CLCN3: variants seen among roughly 807,000 people sequenced by gnomAD.
CLCN3 encodes H(+)/Cl(-) exchange transporter 3.
In CLCN3, 16 loss-of-function variants were observed where a neutral mutation model predicts 83.4. The ratio of observed to expected loss-of-function variants is 0.19; its 90% CI spans 0.13 to 0.29. The LOEUF is 0.29. CLCN3 is among the 10% of genes least tolerant of loss of function. The pLI, the probability that CLCN3 is intolerant of heterozygous loss-of-function variation, is 1.00. For synonymous variants in CLCN3, 322 were observed against 346.2 expected (o/e 0.93, Z 0.78); for missense variants, 544 against 1,006.0 (o/e 0.54, Z 6.21).
chr4:169,668,499 A>G (rs1411533575), intron 2 of CLCN3, among the ~76,000 whole-genome samples: 1 of 152,206 alleles, frequency 6.6e-6, no homozygotes, highest in Non-Finnish European at 1.5e-5. Flanking sequence ...TTAATAAGTA[A>G]CTTGCGCTGG....
At chr4:169,673,829 T>C (rs1434646578) in intron 2 of CLCN3, among the ~76,000 whole-genome samples, 1 of 152,194 alleles carries the variant, frequency 6.6e-6, no homozygotes, top group Non-Finnish European at 1.5e-5. Flanking sequence ...TGCCATTATA[T>C]GTAATATGTA....
chr4:169,709,199 T>C (rs1733105404), intron 11 of CLCN3, among the ~76,000 whole-genome samples: 1 of 150,208 alleles, frequency 6.7e-6, no homozygotes, highest in Non-Finnish European at 1.5e-5. Context: ...AATTGATATA[T>C]ATAATGATAA....
chr4:169,632,452 A>AG (rs1208292443), intron 1 of CLCN3, among the ~76,000 whole-genome samples: 1 of 152,138 alleles, frequency 6.6e-6, no homozygotes, highest in Non-Finnish European at 1.5e-5. Context: ...AGCTGGGGCC[A>AG]GGCGCGGTGG....
Position 169,636,078 on chromosome 4 carries a change from C to T in CLCN3, c.150C>T (p.Asp50=), listed in dbSNP as rs373294356. The T allele has an allele frequency of 3.1e-6, 5 of 1,611,544 alleles. No individual in the cohort carries two copies. In the African/African-American group the frequency reaches 6.7e-5, roughly 22 times the overall value. The change falls in exon 2 of 13, where the codon GAC becomes GAT. Residue 50 remains aspartate, a synonymous_variant. Coordinates refer to ENST00000513761, the MANE Select transcript of CLCN3 (RefSeq NM_001829.4). ...TSEDDNLLDG[D]TAVGTHYTMT... Reference sequence around the variant, plus strand: ...AAGATGACAATTTATTAGATGGTGACACTGCAGTTGGTAAGTTCAGCATGA... The same window carrying T: ...AAGATGACAATTTATTAGATGGTGATACTGCAGTTGGTAAGTTCAGCATGA...
chr4:169,641,565 G>T (rs1411339358), intron 2 of CLCN3, among the ~76,000 whole-genome samples: 1 of 152,108 alleles, frequency 6.6e-6, no homozygotes, highest in African/African-American at 2.4e-5. Context: ...AATATCTATT[G>T]TTAGATTGAG....
At chr4:169,629,694 A>C (rs963156297) in intron 1 of CLCN3, among the ~76,000 whole-genome samples, 1 of 152,150 alleles carries the variant, frequency 6.6e-6, no homozygotes. Flanking sequence ...TTTGCTAACC[A>C]TTGAGTATAC....
Position 169,620,807 on chromosome 4 carries a change from A to T in CLCN3, c.-273A>T, listed in dbSNP as rs1773092785. The T allele has an allele frequency of 2.5e-6, 1 of 398,584 alleles. No individual in the cohort carries two copies. 24.7% of individuals were successfully genotyped at this position (398,584 alleles called of 1,614,324 possible). A position where few individuals can be genotyped will look rare whatever the true frequency, so the allele number is the denominator to read the frequency against. Reference sequence around the variant, plus strand: ...GGGCAGAAGCAGGTTGACTCTAGGGATCTCCAGAGCGAGAGGATTTAACTT... The same window carrying T: ...GGGCAGAAGCAGGTTGACTCTAGGGTTCTCCAGAGCGAGAGGATTTAACTT... On this transcript the variant is annotated 5_prime_UTR_variant, in exon 1 of 13. Coordinates refer to ENST00000513761, the MANE Select transcript of CLCN3 (RefSeq NM_001829.4).
chr4:169,632,569 T>A (rs1211219176), intron 1 of CLCN3, among the ~76,000 whole-genome samples: 10 of 151,676 alleles, frequency 6.6e-5, no homozygotes, highest in Admixed American at 6.6e-4. Context: ...CACAAAAAAT[T>A]AGCCGGGCGC....
chr4:169,666,974 A>G (rs544644840), intron 2 of CLCN3, among the ~76,000 whole-genome samples: 43 of 152,364 alleles, frequency 2.8e-4, no homozygotes, highest in African/African-American at 7.5e-4. Context: ...CATGAGCTAG[A>G]TAACAGTGGC....
intron 9 of CLCN3, among the ~76,000 whole-genome samples, chr4:169,701,740 T>C (rs547705939): frequency 6.6e-6 from 1 of 152,256 alleles, no homozygotes; most frequent in African/African-American, 2.4e-5. Context: ...GAAAAGAAAT[T>C]AAAATACACT....
intron 2 of CLCN3, among the ~76,000 whole-genome samples, chr4:169,679,562 C>T (rs931241961): frequency 6.6e-6 from 1 of 152,092 alleles, no homozygotes; most frequent in African/African-American, 2.4e-5. Flanking sequence ...GAGGTTGTAG[C>T]GAGCCGAGAT....
chr4:169,710,611 A>T (rs982390896), intron 11 of CLCN3, among the ~76,000 whole-genome samples: 1 of 152,210 alleles, frequency 6.6e-6, no homozygotes, highest in African/African-American at 2.4e-5. Context: ...AAAGAGATTG[A>T]ATGTTCACTT....
intron 2 of CLCN3, chr4:169,659,955 CT>C: frequency 1.3e-6 from 1 of 741,150 alleles, no homozygotes; most frequent in Non-Finnish European, 1.6e-6. Context: ...ACTTTTTCCC[CT>C]TTATATTTAT....
At chr4:169,661,460 T>A (rs1042803556) in intron 2 of CLCN3, among the ~76,000 whole-genome samples, 2 of 152,152 alleles carry the variant, frequency 1.3e-5, no homozygotes, top group African/African-American at 2.4e-5. Context: ...ACTTTTTTTT[T>A]AGTATTAAGT....
At chr4:169,715,352 AT>A (rs1169602956) in intron 12 of CLCN3, among the ~76,000 whole-genome samples, 6 of 152,168 alleles carry the variant, frequency 3.9e-5, no homozygotes, top group African/African-American at 1.2e-4. Context: ...AAGGGAATAT[AT>A]TAAATTGCTT....
chr4:169,695,460 G>T, intron 7 of CLCN3, 152 bp from the exon 8 acceptor site: 1 of 632,210 alleles, frequency 1.6e-6, no homozygotes, highest in East Asian at 2.8e-5. Flanking sequence ...CTTAATAGAA[G>T]AAATGAATAG....
intron 2 of CLCN3, among the ~76,000 whole-genome samples, chr4:169,653,640 CAAAAAA>C (rs70964215): frequency 1.4e-4 from 10 of 73,574 alleles, no homozygotes; most frequent in Middle Eastern, 0.013. Context: ...GACTCCGTCT[CAAAAAA>C]AAAAAAAAAA....
intron 3 of CLCN3, among the ~76,000 whole-genome samples, chr4:169,683,367 C>T (rs963277296): frequency 2.6e-5 from 4 of 152,080 alleles, no homozygotes; most frequent in Non-Finnish European, 4.4e-5. Flanking sequence ...TAGTGTCTTG[C>T]GCCTATAGTC....
intron 4 of CLCN3, among the ~76,000 whole-genome samples, chr4:169,688,348 G>C (rs1732240003): frequency 6.6e-6 from 1 of 152,208 alleles, no homozygotes; most frequent in Non-Finnish European, 1.5e-5. Flanking sequence ...TTTTAAGAAA[G>C]AGCTGTTGAG....
Sources: allele counts gnomAD v4.1 joint callset (sites outside exome capture counted in the v4.1 genomes callset), GRCh38; gene constraint gnomAD v4.1.1; transcripts MANE v1.5; gene names NCBI Gene and HGNC (gene_info 2026-07-23, HGNC 2026-07-21).